ARID1A: variants seen among roughly 807,000 people sequenced by gnomAD.
ARID1A encodes the protein AT-rich interactive domain-containing protein 1A.
ARID1A carries 20 observed loss-of-function variants against 212.6 expected under a neutral mutation model. The observed-to-expected ratio is 0.09, with a 90% CI of 0.07 to 0.14. The LOEUF (loss-of-function observed/expected upper bound fraction) is 0.14. ARID1A is among the 10% of genes least tolerant of loss of function. ARID1A has a pLI of 1.00. For missense variants in ARID1A, 2,587 were observed against 3,059.0 expected, an observed-to-expected ratio of 0.85 and a Z score of 3.64; for synonymous variants, 1,376 against 1,222.1, an observed-to-expected ratio of 1.13 and a Z score of -2.63.
chr1:26,735,588 G>A (rs544366187), intron 4 of ARID1A, among the ~76,000 whole-genome samples: 48 of 152,168 alleles, frequency 3.2e-4, no homozygotes, highest in African/African-American at 1.1e-3. Flanking sequence ...CACCTCACCC[G>A]GCCTGAAATC....
At chr1:26,725,436 C>T (rs531015882) in intron 1 of ARID1A, among the ~76,000 whole-genome samples, 5 of 152,246 alleles carry the variant, frequency 3.3e-5, no homozygotes, top group East Asian at 3.9e-4. Context: ...TGTCCCTGCT[C>T]ACCTCCCCTT....
chr1:26,752,687 ATTC>A (rs1452027990), intron 4 of ARID1A, among the ~76,000 whole-genome samples: 1 of 152,056 alleles, frequency 6.6e-6, no homozygotes, highest in Non-Finnish European at 1.5e-5. Context: ...ATTTCCTCCC[ATTC>A]TTCAGCATGA....
intron 1 of ARID1A, among the ~76,000 whole-genome samples, chr1:26,713,566 G>A (rs1267034501): frequency 6.6e-6 from 1 of 152,042 alleles, no homozygotes; most frequent in African/African-American, 2.4e-5. Flanking sequence ...CACCATGTTG[G>A]TCAGGCTGGT....
intron 1 of ARID1A, among the ~76,000 whole-genome samples, chr1:26,698,245 G>A (rs2080298378): frequency 6.6e-6 from 1 of 152,270 alleles, no homozygotes; most frequent in African/African-American, 2.4e-5. Context: ...AAAGCCAGGA[G>A]ACAGTTGGTC....
intron 4 of ARID1A, among the ~76,000 whole-genome samples, chr1:26,746,414 A>G (rs1169197106): frequency 6.6e-6 from 1 of 152,160 alleles, no homozygotes; most frequent in Non-Finnish European, 1.5e-5. Flanking sequence ...ACCAGCCCCC[A>G]GATGTTTGGT....
Position 26,780,739 on chromosome 1 carries a change from T to C in ARID1A, c.6841T>C (p.Leu2281=), listed in dbSNP as rs2124153600. The C allele has an allele frequency of 3.2e-6, 5 of 1,572,354 alleles. No individual in the cohort carries two copies. Among genetic ancestry groups the C allele is most frequent in the Non-Finnish European group, 4.3e-6 (5 of 1,159,726 alleles). The stretch of plus-strand genomic sequence containing the variant: ...ACAAGTCATTTGTGATGTACTGTTT[T>C]TGATTGGCCAGTCATGACAGCCGTG... ...VSQVICDVLF[L]IGQS The change falls in exon 20 of 20, where the codon TTG becomes CTG. Residue 2281 remains leucine, a synonymous_variant. Transcript: ENST00000324856. This position sits in a 1 kb window ranked among gnomAD's most constrained non-coding sequence, Gnocchi z 7.2.
At chr1:26,741,033 T>A (rs913269163) in intron 4 of ARID1A, among the ~76,000 whole-genome samples, 4 of 152,246 alleles carry the variant, frequency 2.6e-5, no homozygotes, top group Non-Finnish European at 4.4e-5. Context: ...GATAAGAAAC[T>A]GAAACTTGGG....
rs752644204 is a variant in ARID1A, at chr1:26,779,300, G to A, written c.5402G>A (p.Ser1801Asn). The change falls in exon 20 of 20, where the codon AGT (serine) becomes AAT (asparagine). Residue 1801 changes from serine (S) to asparagine (N), a missense_variant. Physicochemically the swap from Ser to Asn is conservative, Grantham distance 46 (BLOSUM62 1). Transcript: ENST00000324856. ...AAGGACAAGCCAGCTTCAGAGAATA[G>A]TGAGGAGAAGCTGATCAGTAAGTTT... ...SGKDKPASENSEEKLISKFDK... is the reference protein window; with the variant it reads ...SGKDKPASENNEEKLISKFDK... The A allele has an allele frequency of 1.2e-6, 2 of 1,614,120 alleles. No homozygotes were observed. The highest frequency in any genetic ancestry group is 1.7e-6 in the Non-Finnish European group (2 of 1,180,050).
At chr1:26,716,673 CAG>C (rs1245682653) in intron 1 of ARID1A, among the ~76,000 whole-genome samples, 2 of 152,206 alleles carry the variant, frequency 1.3e-5, no homozygotes, top group East Asian at 3.9e-4. Context: ...CTCTGTCACT[CAG>C]GGTGAGGTGC....
At chr1:26,766,636 A>G in intron 10 of ARID1A, 70 bp downstream of exon 10, 1 of 1,431,744 alleles carries the variant, frequency 7.0e-7, no homozygotes, top group Admixed American at 2.3e-5. Flanking sequence ...AGGAAAAAGA[A>G]AAGAGAGTGA....
At chr1:26,773,077 G>C in intron 14 of ARID1A, 90 bp downstream of exon 14, 1 of 1,498,368 alleles carries the variant, frequency 6.7e-7, no homozygotes, top group Non-Finnish European at 9.0e-7. Flanking sequence ...CAGGGTTCTT[G>C]TGGAGCCATC....
rs1268144666 is a variant in ARID1A, at chr1:26,772,802, C to A, written c.3540-10C>A. The A allele has an allele frequency of 6.2e-7, 1 of 1,610,986 alleles. No individual in the cohort carries two copies. Among genetic ancestry groups the A allele is most frequent in the South Asian group, 1.1e-5 (1 of 90,974 alleles). ...TATTTGTGGTTTACTTGGTTTTCCT[C>A]ACTCTGGAGCAGGAGCAATTCAGTT... On this transcript the variant is annotated splice_polypyrimidine_tract_variant and intron_variant, in intron 13 of 19. Transcript: ENST00000324856.
chr1:26,727,254 A>G (rs1378395890), intron 1 of ARID1A, among the ~76,000 whole-genome samples: 1 of 152,234 alleles, frequency 6.6e-6, no homozygotes, highest in African/African-American at 2.4e-5. Context: ...ACTACCCTCT[A>G]TGTAATAATA....
At chr1:26,749,036 G>C (rs2080862294) in intron 4 of ARID1A, among the ~76,000 whole-genome samples, 1 of 152,136 alleles carries the variant, frequency 6.6e-6, no homozygotes, top group African/African-American at 2.4e-5. Flanking sequence ...ATGGTGGCGG[G>C]CACCTGTAGT....
At chr1:26,719,627 T>C (rs903399994) in intron 1 of ARID1A, among the ~76,000 whole-genome samples, 1 of 152,142 alleles carries the variant, frequency 6.6e-6, no homozygotes, top group African/African-American at 2.4e-5. Flanking sequence ...TCTATACTTT[T>C]TTTTTTTTTC....
chr1:26,721,402 A>G (rs12756074), intron 1 of ARID1A, among the ~76,000 whole-genome samples: 9,112 of 152,160 alleles, frequency 0.06, 330 homozygotes, highest in Non-Finnish European at 0.08. Flanking sequence ...AGTAGAGACC[A>G]GGTTTCACCA....
At chr1:26,733,065 A>C (rs1266243513) in intron 4 of ARID1A, among the ~76,000 whole-genome samples, 1 of 152,196 alleles carries the variant, frequency 6.6e-6, no homozygotes. Flanking sequence ...GAGATATCAG[A>C]AGCACTGTCT....
intron 7 of ARID1A, among the ~76,000 whole-genome samples, chr1:26,762,684 C>T (rs1205512305): frequency 1.3e-5 from 2 of 152,080 alleles, no homozygotes; most frequent in Non-Finnish European, 2.9e-5. Context: ...AATTGCAGCC[C>T]TAGGCTGATC....
In ARID1A at chr1:26,697,239, C is replaced by T. The variant is rs2080276999; in HGVS notation, c.836C>T (p.Pro279Leu). The T allele has an allele frequency of 2.2e-6, 3 of 1,373,130 alleles. No individual in the cohort carries two copies. The highest frequency in any genetic ancestry group is 1.9e-6 in the Non-Finnish European group (2 of 1,070,290). 85.1% of individuals were successfully genotyped at this position (1,373,130 alleles called of 1,614,324 possible). ...QRFGAMGGGG[P>L]SAAGGGTPQP... ...TTCGGGGCCATGGGGGGAGGCGGCC[C>T]CTCCGCGGCCGGCGGGGGAACTCCC... Residue 279 changes from proline to leucine, a missense_variant, in exon 1 of 20, where the codon CCC becomes CTC. By Grantham distance (98) the Pro-to-Leu change is moderately conservative. Transcript: ENST00000324856.
Sources: allele counts gnomAD v4.1 joint callset (sites outside exome capture counted in the v4.1 genomes callset), GRCh38; gene constraint gnomAD v4.1.1; non-coding constraint Gnocchi (gnomAD v3.1); transcripts MANE v1.5; gene names NCBI Gene and HGNC (gene_info 2026-07-23, HGNC 2026-07-21).